The following OTUD7A variants were observed in gnomAD, a reference collection of about 807,000 sequenced individuals.
OTUD7A encodes the protein OTU domain-containing protein 7A.
Under a neutral mutation model 65.7 loss-of-function variants are expected in OTUD7A, and 12 were observed. That is an observed-to-expected ratio of 0.18 (90% confidence interval 0.12 to 0.30). The LOEUF is 0.30. Ranked by LOEUF, OTUD7A falls within the 10% of genes least tolerant of loss-of-function variation. The probability of loss-of-function intolerance (pLI) is 1.00; values close to 1 mark genes in which losing one functional copy is unlikely to be tolerated. For synonymous variants in OTUD7A, 641 were observed against 586.3 expected (o/e 1.09, Z -1.35); for missense variants, 1,148 against 1,304.8 (o/e 0.88, Z 1.85).
chr15:31,494,506 T>G (rs1042252799), intron 10 of OTUD7A, among the ~76,000 whole-genome samples: 4 of 152,216 alleles, frequency 2.6e-5, no homozygotes, highest in Admixed American at 6.5e-5. Context: ...GCAGCCTGAA[T>G]TGACTAAGAC....
intron 8 of OTUD7A, among the ~76,000 whole-genome samples, chr15:31,519,978 GA>G (rs2041915915): frequency 6.6e-6 from 1 of 151,488 alleles, no homozygotes; most frequent in African/African-American, 2.4e-5. Flanking sequence ...AAATGCTGAA[GA>G]AAAAAATTGT....
At chr15:31,806,323 A>G (rs1351008411) in intron 1 of OTUD7A, among the ~76,000 whole-genome samples, 3 of 152,226 alleles carry the variant, frequency 2.0e-5, no homozygotes, top group African/African-American at 7.2e-5. Flanking sequence ...TCAGAAGTAC[A>G]TTTGCACTAA....
intron 3 of OTUD7A, among the ~76,000 whole-genome samples, chr15:31,651,487 C>CAGAAAGGCCT (rs1891834030): frequency 6.6e-6 from 1 of 151,268 alleles, no homozygotes; most frequent in Admixed American, 6.6e-5. Flanking sequence ...ACAAGAAAAC[C>CAGAAAGGCCT]AGAAAGGCCT....
At chr15:31,761,683 G>A (rs1046291322) in intron 1 of OTUD7A, among the ~76,000 whole-genome samples, 9 of 152,226 alleles carry the variant, frequency 5.9e-5, no homozygotes, top group African/African-American at 2.2e-4. Flanking sequence ...ATATACCAAA[G>A]AGAAATGAAA....
chr15:31,556,733 G>T (rs1888508481), intron 5 of OTUD7A: 1 of 152,246 alleles, frequency 6.6e-6, no homozygotes, highest in Non-Finnish European at 1.5e-5. Context: ...TCAGTGCTGA[G>T]CTGTATAAAG....
intron 1 of OTUD7A, among the ~76,000 whole-genome samples, chr15:31,775,653 G>A (rs983276001): frequency 2.6e-5 from 4 of 152,200 alleles, no homozygotes; most frequent in African/African-American, 9.7e-5. Context: ...TTTCCCCACA[G>A]AGGATACTAC....
At chr15:31,608,464 A>G (rs1394502494) in intron 3 of OTUD7A, among the ~76,000 whole-genome samples, 1 of 152,194 alleles carries the variant, frequency 6.6e-6, no homozygotes, top group Non-Finnish European at 1.5e-5. Flanking sequence ...ACAGACACAC[A>G]GTGGGAGGTG....
intron 1 of OTUD7A, among the ~76,000 whole-genome samples, chr15:31,804,064 C>G (rs1360386193): frequency 6.6e-6 from 1 of 152,188 alleles, no homozygotes; most frequent in Non-Finnish European, 1.5e-5. Context: ...CATATTTGGT[C>G]TTGCTTGAAG....
intron 1 of OTUD7A, among the ~76,000 whole-genome samples, chr15:31,813,315 A>G (rs1896468763): frequency 6.6e-6 from 1 of 152,238 alleles, no homozygotes; most frequent in Non-Finnish European, 1.5e-5. Flanking sequence ...AGGCTTCTGT[A>G]CAGTAGAAAC....
At chr15:31,618,857 T>C (rs1890680741) in intron 3 of OTUD7A, among the ~76,000 whole-genome samples, 1 of 152,244 alleles carries the variant, frequency 6.6e-6, no homozygotes, top group Admixed American at 6.5e-5. Context: ...CCCATGCCTA[T>C]GTCCTGAATG....
At chr15:31,588,799 G>C (rs1456493134) in intron 3 of OTUD7A, among the ~76,000 whole-genome samples, 1 of 152,244 alleles carries the variant, frequency 6.6e-6, no homozygotes, top group African/African-American at 2.4e-5. Flanking sequence ...AGCAGGGACA[G>C]GGGAAGTCCC....
At chr15:31,805,091 C>T (rs1054961619) in intron 1 of OTUD7A, among the ~76,000 whole-genome samples, 1 of 152,098 alleles carries the variant, frequency 6.6e-6, no homozygotes, top group African/African-American at 2.4e-5. Context: ...TTTTCTTGCC[C>T]GATCTCCACA....
At chr15:31,795,390 T>C (rs1895925574) in intron 1 of OTUD7A, among the ~76,000 whole-genome samples, 1 of 152,216 alleles carries the variant, frequency 6.6e-6, no homozygotes, top group Admixed American at 6.5e-5. Context: ...GACCTCTTCA[T>C]GGGTCTCAGC....
chr15:31,829,911 G>A lies in OTUD7A; in HGVS notation c.-100+40596C>T, dbSNP rs113986765. 5.4e-3 allele frequency among the ~76,000 whole-genome samples: 821 copies of A among 152,280 alleles called. 1 individual carries two copies. Among genetic ancestry groups the A allele is most frequent in the Non-Finnish European group, 8.3e-3 (568 of 68,026 alleles). ...ACTGCTCAGGGCTCAAAGTGAACAC[G>A]ACAATCTCTGCTGCCGTGGTAGCCT... On this transcript the variant is annotated intron_variant, in intron 1 of 12. Coordinates refer to ENST00000307050, the MANE Select transcript of OTUD7A (RefSeq NM_001382637.1).
intron 10 of OTUD7A, among the ~76,000 whole-genome samples, chr15:31,495,030 G>A (rs1164230012): frequency 7.9e-5 from 12 of 152,312 alleles, no homozygotes; most frequent in East Asian, 3.9e-4. Context: ...GGGCATGGAC[G>A]TCTTGGGGAG....
intron 1 of OTUD7A, among the ~76,000 whole-genome samples, chr15:31,802,970 C>T (rs1468949528): frequency 6.6e-6 from 1 of 152,216 alleles, no homozygotes; most frequent in African/African-American, 2.4e-5. Context: ...TCAGGAGGTT[C>T]TCCCAGGCCT....
intron 8 of OTUD7A, among the ~76,000 whole-genome samples, chr15:31,506,983 T>C (rs1245699604): frequency 2.0e-5 from 3 of 152,238 alleles, no homozygotes; most frequent in Non-Finnish European, 4.4e-5. Context: ...TGTAATAGTG[T>C]AATAATTGTT....
intron 5 of OTUD7A, among the ~76,000 whole-genome samples, chr15:31,548,190 CCCGGGCCACCCCCATCATCTGTGG>C (rs998100410): frequency 2.2e-5 from 3 of 135,982 alleles, no homozygotes; most frequent in South Asian, 2.8e-4. Context: ...TTGTGGGCCT[CCCGGGCCACCCCCATCATCTGTGG>C]GCGCCCTGGG....
In OTUD7A at chr15:31,655,459, T is replaced by G. The variant is rs551267949; in HGVS notation, c.-4-209A>C. 5.5e-3 allele frequency: 2,199 copies of G among 400,916 alleles called. 57 individuals are homozygous for G. In the Admixed American group the frequency reaches 0.06, roughly 11 times the overall value. 24.8% of individuals were successfully genotyped at this position (400,916 alleles called of 1,614,324 possible). A position where few individuals can be genotyped will look rare whatever the true frequency, so the allele number is the denominator to read the frequency against. On this transcript the variant is annotated intron_variant, in intron 2 of 12. Coordinates refer to ENST00000307050, the MANE Select transcript of OTUD7A (RefSeq NM_001382637.1). Reference sequence around the variant, plus strand: ...AATGCTAACTAAAATTTCATCCCTGTGTACATGCCATGTGAGAGAAGGGGT... The same window carrying G: ...AATGCTAACTAAAATTTCATCCCTGGGTACATGCCATGTGAGAGAAGGGGT...
Sources: allele counts gnomAD v4.1 joint callset (sites outside exome capture counted in the v4.1 genomes callset), GRCh38; gene constraint gnomAD v4.1.1; transcripts MANE v1.5; gene names NCBI Gene and HGNC (gene_info 2026-07-23, HGNC 2026-07-21).